MAGEA4: variants seen among roughly 807,000 people sequenced by gnomAD.
The protein encoded by MAGEA4 is melanoma-associated antigen 4.
A neutral mutation model predicts 13.7 loss-of-function variants in MAGEA4; 1 was observed. The observed-to-expected ratio is 0.07, with a 90% CI of 0.03 to 0.35. The LOEUF (loss-of-function observed/expected upper bound fraction) is 0.35, where lower values mean the gene tolerates loss of function less well. MAGEA4 is among the 10% of genes least tolerant of loss of function. MAGEA4 has a pLI of 0.99. For missense variants in MAGEA4, 312 were observed against 245.1 expected (o/e 1.27, Z -1.82); for synonymous variants, 132 against 101.1 (o/e 1.31, Z -1.83).
At chrX:151,919,525 T>G in intron 1 of MAGEA4, 4 of 72,414 alleles carry the variant, frequency 5.5e-5, no homozygotes, top group Non-Finnish European at 6.6e-5. Context: ...ACGCGCCCCC[T>G]CCACCGACCT....
chrX:151,912,855 G>T, upstream of MAGEA4: 1 of 142,889 alleles, frequency 7.0e-6, no homozygotes, highest in Non-Finnish European at 1.3e-5. Context: ...CCAGCTGCCC[G>T]GATGTGATGC....
chrX:151,919,950 C>T (rs892378494), intron 1 of MAGEA4, among the ~76,000 whole-genome samples: 2 of 108,181 alleles, frequency 1.8e-5, no homozygotes, highest in Non-Finnish European at 3.8e-5. Context: ...AACCTCAGGA[C>T]TGTAAGAGAG....
chrX:151,924,742 A>G lies in MAGEA4; in HGVS notation c.*124A>G, dbSNP rs1440373400. 2.8e-6 allele frequency: 2 copies of G among 719,537 alleles called. No homozygotes were observed. Among genetic ancestry groups the G allele is most frequent in the Non-Finnish European group, 3.9e-6 (2 of 508,873 alleles). The allele number at this position is 719,537 out of a possible 1,213,427, so 59.3% of individuals were successfully genotyped here. Reference sequence around the variant, plus strand: ...CCCATTCTTCACTCTGTTTGAAGAAAATAGTCAGTGTTCTTAGTAGTGGGT... The same window carrying G: ...CCCATTCTTCACTCTGTTTGAAGAAGATAGTCAGTGTTCTTAGTAGTGGGT... On this transcript the variant is annotated 3_prime_UTR_variant, in exon 3 of 3. Transcript: ENST00000276344.
chrX:151,921,594 C>T (rs1009851858), intron 1 of MAGEA4, among the ~76,000 whole-genome samples: 1 of 112,224 alleles, frequency 8.9e-6, no homozygotes, highest in East Asian at 2.8e-4. Flanking sequence ...GGGCGCTACA[C>T]CCCCACCCCA....
intron 1 of MAGEA4, 31 bp from the exon 2 acceptor site, chrX:151,923,422 C>G: frequency 3.2e-5 from 37 of 1,145,737 alleles, no homozygotes; most frequent in Non-Finnish European, 4.3e-5. Flanking sequence ...GCCGGCTATA[C>G]CCTGAGGTGC....
chrX:151,923,863 C>A lies in MAGEA4; in HGVS notation c.199C>A (p.Gln67Lys), dbSNP rs1295722820. The change falls in exon 3 of 3, where the codon CAG (glutamine) becomes AAG (lysine). Residue 67 changes from glutamine (Q) to lysine (K), a missense_variant. Physicochemically the swap from Gln to Lys is moderately conservative, Grantham distance 53 (BLOSUM62 1). Coordinates refer to ENST00000276344, the MANE Select transcript of MAGEA4 (RefSeq NM_001011548.1). The stretch of plus-strand genomic sequence containing the variant: ...GTCAGCAGGTCCTCCCCAGAGTCCT[C>A]AGGGAGCCTCTGCCTTACCCACTAC... ...AESAGPPQSPQGASALPTTIS... is the reference protein window; with the variant it reads ...AESAGPPQSPKGASALPTTIS... 1 of 1,209,586 alleles carries A rather than the reference C, an allele frequency of 8.3e-7. No individual in the cohort carries two copies. Among genetic ancestry groups the A allele is most frequent in the Non-Finnish European group, 1.1e-6 (1 of 895,150 alleles).
chrX:151,924,701 C>T lies in MAGEA4; in HGVS notation c.*83C>T. On this transcript the variant is annotated 3_prime_UTR_variant, in exon 3 of 3. Transcript: ENST00000276344. ...AGCCCTGTGCAGCAGCTTCCCTTGC[C>T]TCGTGTAACATGAGGCCCATTCTTC... 1 of 1,004,246 alleles carries T rather than the reference C, an allele frequency of 1.0e-6. No homozygotes were observed. Among genetic ancestry groups the T allele is most frequent in the Non-Finnish European group, 1.3e-6 (1 of 749,505 alleles). The allele number at this position is 1,004,246 out of a possible 1,213,427, so 82.8% of individuals were successfully genotyped here. A position where few individuals can be genotyped will look rare whatever the true frequency, so the allele number is the denominator to read the frequency against.
Position 151,913,476 on chromosome X carries a change from G to A in MAGEA4, c.-138+507G>A, listed in dbSNP as rs1359882425. The A allele has an allele frequency of 1.5e-5, 11 of 719,597 alleles. No homozygotes were observed. In the Admixed American group the frequency reaches 9.4e-4, roughly 62 times the overall value. 59.3% of individuals were successfully genotyped at this position (719,597 alleles called of 1,213,427 possible). On this transcript the variant is annotated intron_variant, in intron 1 of 2. Coordinates refer to ENST00000276344, the MANE Select transcript of MAGEA4 (RefSeq NM_001011548.1). ...AACCCAAGAAAGCCCCAGGGGCCCG[G>A]ATGTGATGCCACTGACTTGCGCATT... is the stretch of plus-strand genomic sequence containing the variant.
chrX:151,923,645 C>T lies in MAGEA4; in HGVS notation c.-20C>T. 1 of 1,211,155 alleles carries T rather than the reference C, an allele frequency of 8.3e-7. No homozygotes were observed. The highest frequency in any genetic ancestry group is 1.8e-5 in the South Asian group (1 of 56,946). ...CAGCTTTTGCCTGCACTCTTGCCTG[C>T]TGCCCTGACCAGAGTCATCATGTCT... is the stretch of plus-strand genomic sequence containing the variant. On this transcript the variant is annotated 5_prime_UTR_variant, in exon 3 of 3. Transcript: ENST00000276344.
In MAGEA4 at chrX:151,923,966, A is replaced by G; in HGVS notation, c.302A>G (p.Asp101Gly). 1.7e-6 allele frequency: 2 copies of G among 1,211,760 alleles called. No individual in the cohort carries two copies. The highest frequency in any genetic ancestry group is 2.2e-6 in the Non-Finnish European group (2 of 895,467). ...QEEEGPSTSP[D>G]AESLFREALS... ...GAGGAGGGGCCAAGCACCTCGCCTG[A>G]CGCAGAGTCCTTGTTCCGAGAAGCA... Residue 101 changes from aspartate to glycine, a missense_variant, in exon 3 of 3, where the codon GAC becomes GGC. Coordinates refer to ENST00000276344, the MANE Select transcript of MAGEA4 (RefSeq NM_001011548.1).
intron 1 of MAGEA4, 65 bp downstream of exon 1, chrX:151,913,034 C>T (rs1283641033): frequency 9.0e-6 from 1 of 111,706 alleles, no homozygotes; most frequent in Non-Finnish European, 1.8e-5. Context: ...AAAAATCCAA[C>T]ACCACCCCTG....
intron 1 of MAGEA4, among the ~76,000 whole-genome samples, chrX:151,920,670 A>G (rs1603073132): frequency 2.2e-5 from 1 of 45,744 alleles, no homozygotes; most frequent in African/African-American, 8.7e-5. Flanking sequence ...CCCCACCCCT[A>G]CCTTCATCCC....
rs1933635895 is a variant in MAGEA4, at chrX:151,924,795, T to A, written c.*177T>A. On this transcript the variant is annotated 3_prime_UTR_variant, in exon 3 of 3. Transcript: ENST00000276344. ...CTATTTTGTTGGATGACTTGGAGAT[T>A]TATCTCTGTTTCCTTTTACAATTGT... The A allele has an allele frequency of 4.7e-6, 2 of 428,932 alleles. No individual in the cohort carries two copies. The highest frequency in any genetic ancestry group is 2.5e-5 in the African/African-American group (1 of 40,649). 35.3% of individuals were successfully genotyped at this position (428,932 alleles called of 1,213,427 possible). A position where few individuals can be genotyped will look rare whatever the true frequency, so the allele number is the denominator to read the frequency against.
At chrX:151,918,736 A>T (rs1228874769) in intron 1 of MAGEA4, among the ~76,000 whole-genome samples, 1 of 18,350 alleles carries the variant, frequency 5.4e-5, no homozygotes, top group Non-Finnish European at 9.9e-5. Context: ...GCCATCTCCC[A>T]CCCCAACAAC....
chrX:151,924,514 T>C lies in MAGEA4; in HGVS notation c.850T>C (p.Tyr284His). 1 of 1,211,793 alleles carries C rather than the reference T, an allele frequency of 8.3e-7. No homozygotes were observed. The highest frequency in any genetic ancestry group is 1.1e-6 in the Non-Finnish European group (1 of 895,504). ...TCCAAGGGCTCTGGCTGAAACCAGC[T>C]ATGTGAAAGTCCTGGAGCATGTGGT... ...WGPRALAETS[Y>H]VKVLEHVVRV... Residue 284 changes from tyrosine to histidine, a missense_variant, in exon 3 of 3, where the codon TAT (tyrosine) becomes CAT (histidine). Coordinates refer to ENST00000276344, the MANE Select transcript of MAGEA4 (RefSeq NM_001011548.1).
chrX:151,913,702 T>A (rs1219648999), intron 1 of MAGEA4: 1 of 585,757 alleles, frequency 1.7e-6, no homozygotes, highest in Non-Finnish European at 2.0e-6. Flanking sequence ...CTTCTGAGTC[T>A]GGGGCGCCCA....
At chrX:151,922,842 A>G (rs1438897786) in intron 1 of MAGEA4, among the ~76,000 whole-genome samples, 1 of 111,947 alleles carries the variant, frequency 8.9e-6, no homozygotes, top group African/African-American at 3.3e-5. Context: ...GGAGGGTCCC[A>G]GGCTCTGCCA....
chrX:151,924,403 C>G lies in MAGEA4; in HGVS notation c.739C>G (p.Leu247Val), dbSNP rs767351911. ...HTVYGEPRKL[L>V]TQDWVQENYL... is the part of the protein sequence containing the mutation. ...TGTCTATGGGGAGCCCAGGAAACTG[C>G]TCACCCAAGATTGGGTGCAGGAAAA... Residue 247 changes from leucine to valine, a missense_variant, in exon 3 of 3, where the codon CTC (leucine) becomes GTC (valine). Coordinates refer to ENST00000276344, the MANE Select transcript of MAGEA4 (RefSeq NM_001011548.1). 2.4e-5 allele frequency: 29 copies of G among 1,211,031 alleles called. No homozygotes were observed. The highest frequency in any genetic ancestry group is 3.2e-5 in the Non-Finnish European group (29 of 895,081).
rs571668877 is a variant in MAGEA4, at chrX:151,921,265, G to A, written c.-137-2188G>A. On this transcript the variant is annotated intron_variant, in intron 1 of 2. Transcript: ENST00000276344. ...CTTGGTGCTGGGATGTTTTTTGGGG[G>A]TCAGAGAATCAAGGGCATAGTCCTG... is the stretch of plus-strand genomic sequence containing the variant. Among the ~76,000 whole-genome samples, 6 of 112,279 alleles carry A rather than the reference G, an allele frequency of 5.3e-5. No individual in the cohort carries two copies. In the South Asian group the frequency reaches 1.9e-3, roughly 35 times the overall value.
Sources: allele counts gnomAD v4.1 joint callset (sites outside exome capture counted in the v4.1 genomes callset), GRCh38; gene constraint gnomAD v4.1.1; transcripts MANE v1.5; gene names NCBI Gene and HGNC (gene_info 2026-07-23, HGNC 2026-07-21).